PDIA6: variants seen among roughly 807,000 people sequenced by gnomAD.
PDIA6 encodes the protein protein disulfide-isomerase A6.
PDIA6 carries 29 observed loss-of-function variants against 58.4 expected under a neutral mutation model. The ratio of observed to expected loss-of-function variants is 0.50; its 90% CI spans 0.37 to 0.68. The LOEUF (loss-of-function observed/expected upper bound fraction) is 0.68. PDIA6 is among the 30% of genes least tolerant of loss of function. The probability of loss-of-function intolerance (pLI) is 0.00; values close to 1 mark genes in which losing one functional copy is unlikely to be tolerated. For missense variants in PDIA6, 480 were observed against 551.0 expected (o/e 0.87, Z 1.29); for synonymous variants, 192 against 202.6 (o/e 0.95, Z 0.44).
At chr2:10,795,037 T>G (rs1331267110) in intron 4 of PDIA6, among the ~76,000 whole-genome samples, 2 of 152,226 alleles carry the variant, frequency 1.3e-5, no homozygotes, top group Non-Finnish European at 2.9e-5. Context: ...TGTCACTTGA[T>G]AACACAGAAG....
At chr2:10,789,440 A>G (rs936722788) in intron 8 of PDIA6, among the ~76,000 whole-genome samples, 2 of 133,210 alleles carry the variant, frequency 1.5e-5, no homozygotes, top group Non-Finnish European at 3.4e-5. Flanking sequence ...AACTATACAA[A>G]GACACCAGAA....
intron 3 of PDIA6, 106 bp from the exon 4 acceptor site, chr2:10,797,313 G>C (rs1666308713): frequency 8.6e-7 from 1 of 1,167,072 alleles, no homozygotes; most frequent in African/African-American, 1.5e-5. Context: ...ATAAAGCACA[G>C]GGTGCAGTTT....
intron 1 of PDIA6, among the ~76,000 whole-genome samples, chr2:10,828,414 C>T (rs1016513802): frequency 5.9e-5 from 9 of 152,188 alleles, no homozygotes; most frequent in African/African-American, 1.7e-4. Context: ...TGCAGAGTGT[C>T]GAGGCCATGG....
chr2:10,824,202 A>G (rs911111364), intron 1 of PDIA6, among the ~76,000 whole-genome samples: 1 of 150,958 alleles, frequency 6.6e-6, no homozygotes, highest in Non-Finnish European at 1.5e-5. Context: ...GGAGACACTC[A>G]CACCTCCAGT....
chr2:10,801,062 T>C (rs571350639), intron 2 of PDIA6, among the ~76,000 whole-genome samples: 118 of 152,268 alleles, frequency 7.7e-4, no homozygotes, highest in Non-Finnish European at 1.2e-3. Flanking sequence ...GCGAATTGCT[T>C]GAGCCCTGGA....
At chr2:10,809,609 T>C (rs540242742) in intron 1 of PDIA6, among the ~76,000 whole-genome samples, 1 of 131,588 alleles carries the variant, frequency 7.6e-6, no homozygotes, top group East Asian at 2.3e-4. Flanking sequence ...TGTGGGAGGA[T>C]TGCTTGAGCC....
intron 6 of PDIA6, among the ~76,000 whole-genome samples, chr2:10,791,145 CTTTTCT>C (rs879697122): frequency 8.4e-5 from 10 of 119,116 alleles, no homozygotes; most frequent in Non-Finnish European, 1.6e-4. Flanking sequence ...CCTTTCTTTT[CTTTTCT>C]TTTTTTTTTT....
chr2:10,814,261 T>A (rs1403717333), upstream of PDIA6, among the ~76,000 whole-genome samples: 1 of 152,224 alleles, frequency 6.6e-6, no homozygotes, highest in East Asian at 1.9e-4. Flanking sequence ...TCAGGCAAAC[T>A]GAACTCAGAG....
intron 11 of PDIA6, among the ~76,000 whole-genome samples, chr2:10,785,310 T>C (rs1665666758): frequency 1.3e-5 from 2 of 152,308 alleles, no homozygotes; most frequent in African/African-American, 4.8e-5. Flanking sequence ...TTTGCTGAAA[T>C]ACAAATTAAA....
chr2:10,827,632 T>C (rs1288615458), intron 1 of PDIA6, among the ~76,000 whole-genome samples: 1 of 151,828 alleles, frequency 6.6e-6, no homozygotes, highest in East Asian at 2.0e-4. Context: ...AAGACCAGCC[T>C]GGCCAACATG....
chr2:10,822,417 G>A (rs930454264), intron 1 of PDIA6, among the ~76,000 whole-genome samples: 6 of 151,824 alleles, frequency 4.0e-5, no homozygotes, highest in African/African-American at 9.7e-5. Flanking sequence ...CGCCCGCCAC[G>A]ATGCCTGGCT....
rs1038630476 is a variant in PDIA6 at position 10,797,180 on chromosome 2, C to T, written c.247G>A (p.Ala83Thr). Residue 83 changes from alanine (A) to threonine (T), a missense_variant, in exon 4 of 13, where the codon GCA becomes ACA. Transcript: ENST00000272227. ...KDVVKVGAVD[A>T]DKHHSLGGQY... ...CCTCCTAGGGAATGATGCTTATCTGCATCAACTGCACCAACTTTGACAACA... is the reference window on the plus strand; with the variant it reads ...CCTCCTAGGGAATGATGCTTATCTGTATCAACTGCACCAACTTTGACAACA... The T allele has an allele frequency of 6.2e-7, 1 of 1,610,938 alleles. No individual in the cohort carries two copies. Among genetic ancestry groups the T allele is most frequent in the African/African-American group, 1.3e-5 (1 of 74,816 alleles).
rs150958118 is a variant in PDIA6 at position 10,829,233 on chromosome 2, C to T, written c.-48+2969G>A. On this transcript the variant is annotated intron_variant, in intron 1 of 13. Transcript: ENST00000381611. ...TGTTTGTTCCCCTGATGTCCTCTCT[C>T]CCAGGGTCTCTTTTGGGCCACTCAT... Among the ~76,000 whole-genome samples the T allele has an allele frequency of 7.8e-3, 1,195 of 152,308 alleles. 7 individuals are homozygous for T. Among genetic ancestry groups the T allele is most frequent in the Middle Eastern group, 0.017 (5 of 294 alleles).
At chr2:10,825,272 CTCTCTG>C (rs1322837655) in intron 1 of PDIA6, among the ~76,000 whole-genome samples, 2 of 24,874 alleles carry the variant, frequency 8.0e-5, no homozygotes, top group African/African-American at 1.1e-4. Context: ...CTCTGTCTCT[CTCTCTG>C]TCTCTCTCTC....
exon 1 of PDIA6, chr2:10,837,691 G>T: frequency 6.6e-7 from 1 of 1,509,630 alleles, no homozygotes; most frequent in South Asian, 1.2e-5. Context: ...TCTCAAGCCT[G>T]GGCAGCCTGG....
At chr2:10,829,757 C>T (rs1269603536) in intron 1 of PDIA6, among the ~76,000 whole-genome samples, 3 of 152,126 alleles carry the variant, frequency 2.0e-5, no homozygotes, top group East Asian at 1.9e-4. Context: ...TGACACTGTA[C>T]GTGATTACAT....
At chr2:10,826,170 G>A (rs1393192999) in intron 1 of PDIA6, among the ~76,000 whole-genome samples, 1 of 152,168 alleles carries the variant, frequency 6.6e-6, no homozygotes, top group East Asian at 1.9e-4. Flanking sequence ...GGCATGCCAC[G>A]ATATGGATTG....
At chr2:10,815,526 T>C (rs1384510791), upstream of PDIA6, 3 of 152,206 alleles carry the variant, frequency 2.0e-5, no homozygotes. Flanking sequence ...CTAGACAAAT[T>C]CTAAATAAGC....
chr2:10,812,767 G>C lies in PDIA6; in HGVS notation c.-71C>G. Reference sequence around the variant, plus strand: ...AGCCCTGCAGCGTGCCGCACGCCGCGCCCCCGCGCCCACGTCCCGCCCCAG... The same window carrying C: ...AGCCCTGCAGCGTGCCGCACGCCGCCCCCCCGCGCCCACGTCCCGCCCCAG... On this transcript the variant is annotated 5_prime_UTR_variant, in exon 1 of 13. Coordinates refer to ENST00000272227, the MANE Select transcript of PDIA6 (RefSeq NM_005742.4). 7.5e-7 allele frequency: 1 copy of C among 1,333,664 alleles called. No individual in the cohort carries two copies. Among genetic ancestry groups the C allele is most frequent in the Non-Finnish European group, 9.6e-7 (1 of 1,041,510 alleles). The allele number at this position is 1,333,664 out of a possible 1,614,324, so 82.6% of individuals were successfully genotyped here.
Sources: allele counts gnomAD v4.1 joint callset (sites outside exome capture counted in the v4.1 genomes callset), GRCh38; gene constraint gnomAD v4.1.1; transcripts MANE v1.5; gene names NCBI Gene and HGNC (gene_info 2026-07-23, HGNC 2026-07-21).